Variants in ACVR2B observed in about 807,000 individuals in gnomAD.
ACVR2B encodes activin A receptor type 2B.
A neutral mutation model predicts 65.1 loss-of-function variants in ACVR2B; 18 were observed. The ratio of observed to expected loss-of-function variants is 0.28; its 90% CI spans 0.19 to 0.41. The LOEUF (loss-of-function observed/expected upper bound fraction) is 0.41, where lower values mean the gene tolerates loss of function less well. Among genes scored for constraint, ACVR2B ranks in the 10% least tolerant of loss-of-function variants. The pLI is 1.00. For synonymous variants in ACVR2B, 298 were observed against 277.7 expected (o/e 1.07, Z -0.73); for missense variants, 482 against 682.7 (o/e 0.71, Z 3.28).
chr3:38,487,278 T>C lies in ACVR2B; in HGVS notation c.*3946T>C, dbSNP rs1229803187. On this transcript the variant is annotated 3_prime_UTR_variant, in exon 11 of 11. Coordinates refer to ENST00000352511, the MANE Select transcript of ACVR2B (RefSeq NM_001106.4). ...GGTTGTTTTTCAGCCTTGAACATCT[T>C]CAGGAGGATAGAGACTCTTGCTCAC... 2 of 152,232 alleles carry C rather than the reference T, an allele frequency of 1.3e-5. No individual in the cohort carries two copies. Among genetic ancestry groups the C allele is most frequent in the Non-Finnish European group, 2.9e-5 (2 of 68,054 alleles). The allele number at this position is 152,232 out of a possible 1,614,324, so 9.4% of individuals were successfully genotyped here.
At chr3:38,471,464 ACT>A in intron 1 of ACVR2B, among the ~76,000 whole-genome samples, 1 of 151,192 alleles carries the variant, frequency 6.6e-6, no homozygotes, top group Admixed American at 6.6e-5. Context: ...TGATCTTTAG[ACT>A]CTATGACCTA....
chr3:38,455,373 C>T (rs1424891085), intron 1 of ACVR2B, among the ~76,000 whole-genome samples: 6 of 152,146 alleles, frequency 3.9e-5, no homozygotes, highest in African/African-American at 1.2e-4. Context: ...CCGCCGGGTC[C>T]TGCGCGTCTT....
At chr3:38,461,636 A>G (rs902285443) in intron 1 of ACVR2B, among the ~76,000 whole-genome samples, 2 of 152,144 alleles carry the variant, frequency 1.3e-5, no homozygotes, top group African/African-American at 4.8e-5. Flanking sequence ...CTGAGAGGTT[A>G]GCCACCCTGG....
Position 38,477,185 on chromosome 3 carries a change from G to GCCTC in ACVR2B, c.53-93_53-90dup, listed in dbSNP as rs1212359765. ...GTTGGTGACCCCAACCCACCACCCGGCCTCCCTCCCTCAGGGTGGCCTGGC... is the reference window on the plus strand; with the variant it reads ...GTTGGTGACCCCAACCCACCACCCGGCCTCCCTCCCTCCCTCAGGGTGGCCTGGC... On this transcript the variant is annotated intron_variant, in intron 1 of 10. Coordinates refer to ENST00000352511, the MANE Select transcript of ACVR2B (RefSeq NM_001106.4). The surrounding 1 kb of genome is among the most constrained non-coding windows in gnomAD (Gnocchi z 6.7). The GCCTC allele has an allele frequency of 9.2e-6, 13 of 1,411,452 alleles. No homozygotes were observed. The South Asian group carries it at 1.6e-4, about 17-fold the overall frequency. The allele number at this position is 1,411,452 out of a possible 1,614,324, so 87.4% of individuals were successfully genotyped here. A position where few individuals can be genotyped will look rare whatever the true frequency, so the allele number is the denominator to read the frequency against.
chr3:38,468,376 G>T (rs368950452), intron 1 of ACVR2B, among the ~76,000 whole-genome samples: 1 of 152,116 alleles, frequency 6.6e-6, no homozygotes. Flanking sequence ...GGAAGTCAAG[G>T]GGGTTGAGAA....
chr3:38,479,308 A>G (rs1709975630), intron 6 of ACVR2B, 37 bp downstream of exon 6: 1 of 1,613,836 alleles, frequency 6.2e-7, no homozygotes, highest in South Asian at 1.1e-5. Flanking sequence ...CTGAGAGGAG[A>G]TGGAATGTCC....
At chr3:38,476,944 A>G (rs1300193757) in intron 1 of ACVR2B, 1 of 406,614 alleles carries the variant, frequency 2.5e-6, no homozygotes, top group Non-Finnish European at 4.6e-6. Context: ...CAGGAGCCTC[A>G]GGTGTTGGTG....
chr3:38,482,417 C>G lies in ACVR2B; in HGVS notation c.1214-13C>G. ...CCTTAGAGTGATCCTGCCAGGCTCT[C>G]TCTTTCTCCTAGGACCCGTGGATGA... On this transcript the variant is annotated splice_polypyrimidine_tract_variant and intron_variant, in intron 9 of 10. Coordinates refer to ENST00000352511, the MANE Select transcript of ACVR2B (RefSeq NM_001106.4). The G allele has an allele frequency of 1.2e-6, 2 of 1,611,894 alleles. No homozygotes were observed. Among genetic ancestry groups the G allele is most frequent in the Admixed American group, 1.7e-5 (1 of 59,680 alleles).
In ACVR2B at chr3:38,481,609, TGAC is replaced by T; in HGVS notation, c.1074+145_1074+147del. ...GAGAACTTAGAGCAATGCTCTTGTT[TGAC>T]CAGTGGAGAAACCAAGACCAGGAAG... On this transcript the variant is annotated intron_variant, in intron 8 of 10. Transcript: ENST00000352511. The surrounding 1 kb of genome is among the most constrained non-coding windows in gnomAD (Gnocchi z 4.7). 1 of 720,824 alleles carries T rather than the reference TGAC, an allele frequency of 1.4e-6. No individual in the cohort carries two copies. The highest frequency in any genetic ancestry group is 2.5e-6 in the Non-Finnish European group (1 of 406,282). The allele number at this position is 720,824 out of a possible 1,614,324, so 44.7% of individuals were successfully genotyped here.
intron 1 of ACVR2B, among the ~76,000 whole-genome samples, chr3:38,456,733 T>C (rs1709556903): frequency 6.6e-6 from 1 of 152,156 alleles, no homozygotes; most frequent in Non-Finnish European, 1.5e-5. Context: ...TGTTTTCCTC[T>C]TTTTGTAAGA....
intron 1 of ACVR2B, chr3:38,474,976 C>T (rs1174421931): frequency 1.3e-5 from 2 of 152,362 alleles, no homozygotes; most frequent in Non-Finnish European, 2.9e-5. Context: ...CCCAGCTTCC[C>T]TGTCTGCAGT....
chr3:38,454,458 C>T (rs983002633), intron 1 of ACVR2B, 84 bp downstream of exon 1: 10 of 1,147,612 alleles, frequency 8.7e-6, no homozygotes, highest in Non-Finnish European at 1.1e-5. Context: ...CAACAAAGGG[C>T]GGGCCCGGGG....
Position 38,454,280 on chromosome 3 carries a change from C to T in ACVR2B, c.-43C>T, listed in dbSNP as rs949115629. The stretch of plus-strand genomic sequence containing the variant: ...CGCGCCCCGGGAGCGCCGTGCGGCC[C>T]TGCCCGCGGGCTCCGGGTGTGCGCG... On this transcript the variant is annotated 5_prime_UTR_variant, in exon 1 of 11. Coordinates refer to ENST00000352511, the MANE Select transcript of ACVR2B (RefSeq NM_001106.4). The T allele has an allele frequency of 1.6e-6, 2 of 1,234,568 alleles. No homozygotes were observed. The highest frequency in any genetic ancestry group is 2.0e-6 in the Non-Finnish European group (2 of 989,992). The allele number at this position is 1,234,568 out of a possible 1,614,324, so 76.5% of individuals were successfully genotyped here. A position where few individuals can be genotyped will look rare whatever the true frequency, so the allele number is the denominator to read the frequency against.
rs988929913 is a variant in ACVR2B, at chr3:38,476,952, G to T, written c.53-335G>T. ...CCCCACGCAGGAGCCTCAGGTGTTG[G>T]TGCCCTTTCTGTGCATCTGGACTCT... On this transcript the variant is annotated intron_variant, in intron 1 of 10. Transcript: ENST00000352511. 5.3e-5 allele frequency: 23 copies of T among 430,904 alleles called. No homozygotes were observed. In the Admixed American group the frequency reaches 6.2e-4, roughly 12 times the overall value. 26.7% of individuals were successfully genotyped at this position (430,904 alleles called of 1,614,324 possible).
chr3:38,469,538 C>T (rs988675932), intron 1 of ACVR2B, among the ~76,000 whole-genome samples: 2 of 152,068 alleles, frequency 1.3e-5, no homozygotes, highest in African/African-American at 4.8e-5. Flanking sequence ...GGTAGTTTCC[C>T]CGAGAATTTA....
rs1709942311 is a variant in ACVR2B, at chr3:38,478,000, G to A, written c.370+30G>A. 6.2e-7 allele frequency: 1 copy of A among 1,611,480 alleles called. No individual in the cohort carries two copies. The highest frequency in any genetic ancestry group is 8.5e-7 in the Non-Finnish European group (1 of 1,177,834). ...GGGGGCAGTGTGGAAGTGGGGCCTT[G>A]AGTCAGCCGACCTGGGCTTCTTTGG... On this transcript the variant is annotated intron_variant, in intron 3 of 10. Transcript: ENST00000352511. This position sits in a 1 kb window ranked among gnomAD's most constrained non-coding sequence, Gnocchi z 6.7.
chr3:38,460,295 C>T (rs553063787), intron 1 of ACVR2B, among the ~76,000 whole-genome samples: 1 of 152,196 alleles, frequency 6.6e-6, no homozygotes, highest in Non-Finnish European at 1.5e-5. Flanking sequence ...CGGGTCCATC[C>T]CAGCCCTAGA....
intron 1 of ACVR2B, among the ~76,000 whole-genome samples, chr3:38,460,657 C>T (rs1037801034): frequency 1.3e-5 from 2 of 152,174 alleles, no homozygotes; most frequent in African/African-American, 4.8e-5. Context: ...CCTCTGGAAG[C>T]GGGTGTGGAA....
In ACVR2B at chr3:38,477,313, C is replaced by T; in HGVS notation, c.79C>T (p.Arg27Trp). 1.2e-6 allele frequency: 2 copies of T among 1,614,096 alleles called. No individual in the cohort carries two copies. The highest frequency in any genetic ancestry group is 1.7e-6 in the Non-Finnish European group (2 of 1,179,970). Reference protein sequence around the residue: ...AGSGRGEAETRECIYYNANWE... With the variant: ...AGSGRGEAETWECIYYNANWE... Reference sequence around the variant, plus strand: ...CTCTGGGCGTGGGGAGGCTGAGACACGGGAGTGCATCTACTACAACGCCAA... The same window carrying T: ...CTCTGGGCGTGGGGAGGCTGAGACATGGGAGTGCATCTACTACAACGCCAA... The change falls in exon 2 of 11, where the codon CGG becomes TGG. Residue 27 changes from arginine (R) to tryptophan (W), a missense_variant. Transcript: ENST00000352511. This position sits in a 1 kb window ranked among gnomAD's most constrained non-coding sequence, Gnocchi z 6.7.
Sources: gnomAD v4.1 joint callset for allele counts (sites outside exome capture counted in the v4.1 genomes callset) on GRCh38, gnomAD v4.1.1 for gene constraint, Gnocchi (gnomAD v3.1) non-coding constraint, MANE v1.5 for transcripts, NCBI Gene and HGNC (gene_info 2026-07-23, HGNC 2026-07-21) for gene names.